WDFY4: variants seen among roughly 807,000 people sequenced by gnomAD.
WDFY4 encodes WD repeat- and FYVE domain-containing protein 4.
Under a neutral mutation model 351.9 loss-of-function variants are expected in WDFY4, and 169 were observed. The ratio of observed to expected loss-of-function variants is 0.48; its 90% CI spans 0.42 to 0.55. The LOEUF is 0.55. WDFY4 is among the 20% of genes least tolerant of loss of function. The pLI is 0.00. For missense variants in WDFY4, 3,803 were observed against 3,935.6 expected (o/e 0.97, Z 0.90); for synonymous variants, 1,622 against 1,574.6 (o/e 1.03, Z -0.71).
chr10:48,864,440 A>G (rs1281764744), intron 39 of WDFY4, among the ~76,000 whole-genome samples: 1 of 152,180 alleles, frequency 6.6e-6, no homozygotes, highest in African/African-American at 2.4e-5. Flanking sequence ...ATTGATGTAT[A>G]TATCTATTCT....
At chr10:48,874,648 C>CA (rs899649394) in intron 41 of WDFY4, among the ~76,000 whole-genome samples, 243 of 148,136 alleles carry the variant, frequency 1.6e-3, no homozygotes, top group African/African-American at 4.6e-3. Flanking sequence ...GAATAGGAAG[C>CA]AAAAAAAAAT....
At chr10:48,917,071 T>C (rs1462335015) in intron 47 of WDFY4, among the ~76,000 whole-genome samples, 2 of 152,216 alleles carry the variant, frequency 1.3e-5, no homozygotes, top group Non-Finnish European at 2.9e-5. Context: ...TTTAGTACAG[T>C]AACATGCTGT....
chr10:48,788,960 A>C (rs1169445911), intron 21 of WDFY4, among the ~76,000 whole-genome samples: 1 of 152,240 alleles, frequency 6.6e-6, no homozygotes, highest in African/African-American at 2.4e-5. Flanking sequence ...TGAAAACACT[A>C]TTGAGCTTCC....
rs773681696 is a variant in WDFY4, at chr10:48,775,763, C to T, written c.2820C>T (p.Ile940=). 6.4e-7 allele frequency: 1 copy of T among 1,551,744 alleles called. No individual in the cohort carries two copies. Among genetic ancestry groups the T allele is most frequent in the Non-Finnish European group, 8.7e-7 (1 of 1,146,994 alleles). Residue 940 remains isoleucine (I), a synonymous_variant, in exon 15 of 62, where the codon ATC becomes ATT. Coordinates refer to ENST00000325239, the MANE Select transcript of WDFY4 (RefSeq NM_001394531.1). ...CATCTCTGTCGGCCACAACAAAAAT[C>T]CTTGATTCATCTCACACACACAGAG... is the stretch of plus-strand genomic sequence containing the variant. ...IPSSLSATTK[I]LDSSHTHRGN...
chr10:48,978,422 C>T (rs1019601800), intron 60 of WDFY4, 29 bp downstream of exon 60: 7 of 1,534,590 alleles, frequency 4.6e-6, no homozygotes, highest in Non-Finnish European at 6.1e-6. Context: ...ATGTGGCCGT[C>T]CTGGCCTTGC....
At chr10:48,951,167 A>T (rs1392937227) in intron 51 of WDFY4, among the ~76,000 whole-genome samples, 7 of 152,172 alleles carry the variant, frequency 4.6e-5, no homozygotes, top group South Asian at 2.1e-4. Flanking sequence ...ACACATACTT[A>T]TATCCTTGCT....
intron 13 of WDFY4, among the ~76,000 whole-genome samples, chr10:48,771,068 C>T (rs1031195173): frequency 3.3e-5 from 5 of 152,282 alleles, no homozygotes; most frequent in Non-Finnish European, 7.4e-5. Flanking sequence ...TGAATGCCAT[C>T]AGTGTGAGGC....
chr10:48,731,914 G>T (rs888745138), intron 9 of WDFY4, among the ~76,000 whole-genome samples: 1 of 152,154 alleles, frequency 6.6e-6, no homozygotes, highest in Admixed American at 6.5e-5. Flanking sequence ...GGGCCCTCCT[G>T]GGGTCTGCTG....
Position 48,897,435 on chromosome 10 carries a change from A to T in WDFY4, c.7317-19A>T. The T allele has an allele frequency of 6.5e-7, 1 of 1,549,628 alleles. No homozygotes were observed. Among genetic ancestry groups the T allele is most frequent in the Non-Finnish European group, 8.7e-7 (1 of 1,145,886 alleles). The stretch of plus-strand genomic sequence containing the variant: ...TCTGATGTCTGAACATGTGCCCTGC[A>T]TGCCTGTTTCCTTTTCAGCATCAGC... On this transcript the variant is annotated intron_variant, in intron 44 of 61. Coordinates refer to ENST00000325239, the MANE Select transcript of WDFY4 (RefSeq NM_001394531.1).
At chr10:48,977,216 A>G (rs1046124546) in intron 59 of WDFY4, 1 of 331,534 alleles carries the variant, frequency 3.0e-6, no homozygotes, top group Non-Finnish European at 5.4e-6. Context: ...ACAGACACAC[A>G]CTAAAATAAA....
Position 48,786,720 on chromosome 10 carries a change from ACTC to A in WDFY4, c.3662_3664del (p.Pro1221del). 1 of 1,551,944 alleles carries A rather than the reference ACTC, an allele frequency of 6.4e-7. No individual in the cohort carries two copies. The highest frequency in any genetic ancestry group is 8.7e-7 in the Non-Finnish European group (1 of 1,147,056). ...TGTGGATGTTTATGGATATATTGCTACTCCTCGAGTCTGGAAACAAAAGTCTTC... is the reference window on the plus strand; with the variant it reads ...TGTGGATGTTTATGGATATATTGCTACTCGAGTCTGGAAACAAAAGTCTTC... On this transcript the variant is annotated inframe_deletion, in exon 20 of 62. Transcript: ENST00000325239.
At chr10:48,879,736 G>A (rs1248924064) in intron 43 of WDFY4, among the ~76,000 whole-genome samples, 1 of 152,146 alleles carries the variant, frequency 6.6e-6, no homozygotes, top group Non-Finnish European at 1.5e-5. Flanking sequence ...GTAGGTCTGA[G>A]CTCCTGTTCC....
At chr10:48,729,360 T>C in intron 7 of WDFY4, 72 bp from the exon 8 acceptor site, 1 of 1,524,114 alleles carries the variant, frequency 6.6e-7, no homozygotes. Context: ...TCTGTCTCCT[T>C]GAGAGCACCA....
At position 48,900,162 on chromosome 10, in the gene WDFY4, C is replaced by G. The variant is rs1254798710; in HGVS notation, c.7438-59C>G. ...GACCCATTTCCAGCAGCTGTGTCAC[C>G]CTGGGGCGTCTCTAGTCCACAAAAT... On this transcript the variant is annotated intron_variant, in intron 45 of 61. Coordinates refer to ENST00000325239, the MANE Select transcript of WDFY4 (RefSeq NM_001394531.1). The G allele has an allele frequency of 2.0e-6, 3 of 1,470,542 alleles. No homozygotes were observed. The African/African-American group carries it at 4.2e-5, about 21-fold the overall frequency. The allele number at this position is 1,470,542 out of a possible 1,614,324, so 91.1% of individuals were successfully genotyped here.
rs1194712259 is a variant in WDFY4 at position 48,721,270 on chromosome 10, G to A, written c.359G>A (p.Arg120Gln). 46 of 1,551,538 alleles carry A rather than the reference G, an allele frequency of 3.0e-5. No individual in the cohort carries two copies. The highest frequency in any genetic ancestry group is 4.0e-5 in the Non-Finnish European group (46 of 1,146,978). ...TGACACTTTCTTCCAGAGCAAGCTC[G>A]GTTGGCAGCTGGACAGTTGCTGTGG... ...ALVGKPAEQA[R>Q]LAAGQLLWWK... is the part of the protein sequence containing the mutation. Residue 120 changes from arginine (R) to glutamine (Q), a missense_variant, in exon 4 of 62, where the codon CGG becomes CAG. By Grantham distance (43) the Arg-to-Gln change is conservative. Transcript: ENST00000325239.
rs560992131 is a variant in WDFY4 at position 48,943,441 on chromosome 10, A to G, written c.7741A>G (p.Thr2581Ala). 6.4e-7 allele frequency: 1 copy of G among 1,551,700 alleles called. No individual in the cohort carries two copies. The highest frequency in any genetic ancestry group is 8.7e-7 in the Non-Finnish European group (1 of 1,146,924). ...GTTCCCCTGGGTCCTCGCAGACTACACCTCAGAGGTAAGTTCCTCACGTGG... is the reference window on the plus strand; with the variant it reads ...GTTCCCCTGGGTCCTCGCAGACTACGCCTCAGAGGTAAGTTCCTCACGTGG... ...PVFPWVLADYTSETLNLANPK... is the reference protein window; with the variant it reads ...PVFPWVLADYASETLNLANPK... The change falls in exon 49 of 62, where the codon ACC (threonine) becomes GCC (alanine). Residue 2581 changes from threonine to alanine, a missense_variant. Thr to Ala is a moderately conservative substitution (Grantham distance 58). This residue lies in a region of WDFY4 where 3,054 missense variants were observed against 3,148.6 expected (regional missense o/e 0.97). Coordinates refer to ENST00000325239, the MANE Select transcript of WDFY4 (RefSeq NM_001394531.1).
intron 12 of WDFY4, among the ~76,000 whole-genome samples, chr10:48,754,230 G>GT (rs151074838): frequency 0.3 from 42,539 of 140,856 alleles, 6,863 homozygotes; most frequent in South Asian, 0.41. Context: ...ATATTGGTAG[G>GT]TTTTTTTTTT....
intron 47 of WDFY4, chr10:48,909,337 G>A (rs1374805469): frequency 1.3e-5 from 2 of 151,736 alleles, no homozygotes; most frequent in Non-Finnish European, 2.9e-5. Context: ...GCCTACCTAT[G>A]CACCATTGAA....
At chr10:48,915,156 G>T (rs1264862108) in intron 47 of WDFY4, among the ~76,000 whole-genome samples, 1 of 152,066 alleles carries the variant, frequency 6.6e-6, no homozygotes, top group African/African-American at 2.4e-5. Context: ...GCTATGAGGG[G>T]GCGTAAATTA....
Sources: allele counts gnomAD v4.1 joint callset (sites outside exome capture counted in the v4.1 genomes callset), GRCh38; gene constraint gnomAD v4.1.1; regional missense constraint gnomAD v4.1.1; transcripts MANE v1.5; gene names NCBI Gene and HGNC (gene_info 2026-07-23, HGNC 2026-07-21).